MALRD1: variants seen among roughly 807,000 people sequenced by gnomAD.
MALRD1 encodes MAM and LDL receptor class A domain containing 1.
In MALRD1, 247 loss-of-function variants were observed where a neutral mutation model predicts 242.1. The observed-to-expected ratio is 1.02, with a 90% CI of 0.92 to 1.13. The LOEUF is 1.13. Ranked by LOEUF, MALRD1 falls within the 50% of genes most tolerant of loss-of-function variation. The pLI is 0.00. For synonymous variants in MALRD1, 995 were observed against 866.6 expected (o/e 1.15, Z -2.60); for missense variants, 2,989 against 2,533.1 (o/e 1.18, Z -3.86).
At chr10:19,601,782 A>G (rs886979412) in intron 34 of MALRD1, among the ~76,000 whole-genome samples, 3 of 152,080 alleles carry the variant, frequency 2.0e-5, no homozygotes, top group Non-Finnish European at 4.4e-5. Context: ...ATAAATTCCT[A>G]TCTCCAATAG....
At chr10:19,560,754 T>C (rs935552055) in intron 32 of MALRD1, among the ~76,000 whole-genome samples, 5 of 151,744 alleles carry the variant, frequency 3.3e-5, no homozygotes, top group Admixed American at 3.3e-4. Context: ...TAAGTGGGAG[T>C]TGAACAATGA....
In MALRD1 at chr10:19,147,675, C is replaced by A. The variant is rs1833770726; in HGVS notation, c.1558+1331C>A. Among the ~76,000 whole-genome samples the A allele has an allele frequency of 3.3e-5, 5 of 152,224 alleles. No individual in the cohort carries two copies. The South Asian group carries it at 1.0e-3, about 32-fold the overall frequency. On this transcript the variant is annotated intron_variant, in intron 11 of 39. Transcript: ENST00000454679. ...CTTTGAGGTGGTCTCAGTCTGGTAG[C>A]TTAAGTAGATAAGCAAGGAATTGCA...
intron 18 of MALRD1, among the ~76,000 whole-genome samples, chr10:19,257,467 A>G (rs1373975159): frequency 6.6e-6 from 1 of 152,140 alleles, no homozygotes; most frequent in Non-Finnish European, 1.5e-5. Context: ...AATGAGTTCC[A>G]TGGGTCTAAT....
chr10:19,404,067 A>G (rs1345527994), intron 28 of MALRD1, among the ~76,000 whole-genome samples: 1 of 152,128 alleles, frequency 6.6e-6, no homozygotes, highest in African/African-American at 2.4e-5. Flanking sequence ...AAGATAAACT[A>G]AAAATATAGT....
intron 31 of MALRD1, among the ~76,000 whole-genome samples, chr10:19,508,964 G>C (rs1307637062): frequency 6.6e-6 from 1 of 152,150 alleles, no homozygotes; most frequent in Non-Finnish European, 1.5e-5. Context: ...CTTGCAGCAA[G>C]AAGTGGCAAA....
At chr10:19,118,228 A>C (rs1836940481) in intron 5 of MALRD1, among the ~76,000 whole-genome samples, 1 of 152,184 alleles carries the variant, frequency 6.6e-6, no homozygotes, top group Admixed American at 6.5e-5. Flanking sequence ...AAAAAGAGTC[A>C]AGCTCTGTAA....
chr10:19,267,654 C>T (rs1472173237), intron 19 of MALRD1, among the ~76,000 whole-genome samples: 2 of 152,098 alleles, frequency 1.3e-5, no homozygotes, highest in African/African-American at 4.8e-5. Context: ...TTCTAATACG[C>T]TGTTTGGCGT....
intron 33 of MALRD1, among the ~76,000 whole-genome samples, chr10:19,568,065 G>T (rs946037772): frequency 6.6e-5 from 10 of 152,090 alleles, no homozygotes; most frequent in African/African-American, 2.4e-4. Flanking sequence ...TTCTCCATCT[G>T]TATTAAGCTT....
chr10:19,252,353 T>C (rs1006331397), intron 18 of MALRD1, among the ~76,000 whole-genome samples: 4 of 152,094 alleles, frequency 2.6e-5, no homozygotes, highest in Non-Finnish European at 4.4e-5. Context: ...AATGGTGAGA[T>C]AGTCAAGGAT....
chr10:19,336,100 G>T (rs767424659), intron 24 of MALRD1, among the ~76,000 whole-genome samples: 1 of 152,158 alleles, frequency 6.6e-6, no homozygotes, highest in South Asian at 2.1e-4. Context: ...CTGTATATCA[G>T]TGTAGACTCT....
At chr10:19,708,281 C>T (rs1309412750) in intron 38 of MALRD1, among the ~76,000 whole-genome samples, 1 of 119,434 alleles carries the variant, frequency 8.4e-6, no homozygotes, top group Non-Finnish European at 1.9e-5. Context: ...CAATTTACAC[C>T]ATGACTACAT....
chr10:19,557,723 T>C (rs1166248541), intron 32 of MALRD1, among the ~76,000 whole-genome samples: 1 of 152,134 alleles, frequency 6.6e-6, no homozygotes, highest in Non-Finnish European at 1.5e-5. Flanking sequence ...TCTGGCTTTG[T>C]TCTTCTCCTT....
At chr10:19,239,256 C>A (rs994667479) in intron 18 of MALRD1, among the ~76,000 whole-genome samples, 1 of 151,992 alleles carries the variant, frequency 6.6e-6, no homozygotes, top group African/African-American at 2.4e-5. Context: ...GAAATGATTT[C>A]ACCATATTGG....
intron 18 of MALRD1, among the ~76,000 whole-genome samples, chr10:19,256,301 C>A (rs576835232): frequency 6.6e-6 from 1 of 152,104 alleles, no homozygotes; most frequent in East Asian, 1.9e-4. Context: ...GTTCACCCAA[C>A]TCTATTTTTA....
At position 19,049,153 on chromosome 10, in the gene MALRD1, C is replaced by G. The variant is rs1448929423; in HGVS notation, c.199+16C>G. ...GAACGGCACTGTAAGTGACATTCTC[C>G]TTTCTCCAATTTCAATTCCCCGTAC... On this transcript the variant is annotated intron_variant, in intron 1 of 39. Transcript: ENST00000454679. The G allele has an allele frequency of 5.7e-6, 7 of 1,233,830 alleles. No individual in the cohort carries two copies. The highest frequency in any genetic ancestry group is 7.1e-6 in the Non-Finnish European group (7 of 988,082). The allele number at this position is 1,233,830 out of a possible 1,614,324, so 76.4% of individuals were successfully genotyped here.
chr10:19,722,931 G>C (rs888389064), intron 38 of MALRD1, among the ~76,000 whole-genome samples: 1 of 152,116 alleles, frequency 6.6e-6, no homozygotes, highest in Non-Finnish European at 1.5e-5. Flanking sequence ...AATCAACTTA[G>C]TAAGTCTAGG....
chr10:19,426,547 A>C (rs1268763339), intron 28 of MALRD1, among the ~76,000 whole-genome samples: 1 of 152,172 alleles, frequency 6.6e-6, no homozygotes, highest in Admixed American at 6.5e-5. Flanking sequence ...CACGCTTGTA[A>C]TCCCAGCACT....
intron 31 of MALRD1, among the ~76,000 whole-genome samples, chr10:19,525,389 C>A (rs369828068): frequency 6.6e-6 from 1 of 152,070 alleles, no homozygotes; most frequent in South Asian, 2.1e-4. Context: ...GAAAAAATGT[C>A]CATGAAGCAT....
intron 36 of MALRD1, among the ~76,000 whole-genome samples, chr10:19,630,201 T>C (rs1839842652): frequency 6.6e-6 from 1 of 152,182 alleles, no homozygotes; most frequent in Admixed American, 6.6e-5. Context: ...TGGTTTATGT[T>C]CCTAAGTTTA....
Sources: allele counts gnomAD v4.1 joint callset (sites outside exome capture counted in the v4.1 genomes callset), GRCh38; gene constraint gnomAD v4.1.1; transcripts MANE v1.5; gene names NCBI Gene and HGNC (gene_info 2026-07-23, HGNC 2026-07-21).